The following MLLT6 variants were observed in gnomAD, a reference collection of about 807,000 sequenced individuals.
The protein encoded by MLLT6 is MLLT6, PHD finger containing.
MLLT6 carries 22 observed loss-of-function variants against 103.0 expected under a neutral mutation model. The ratio of observed to expected loss-of-function variants is 0.21; its 90% CI spans 0.15 to 0.31. The LOEUF is 0.31. Among genes scored for constraint, MLLT6 ranks in the 10% least tolerant of loss-of-function variants. The pLI, the probability that MLLT6 is intolerant of heterozygous loss-of-function variation, is 1.00. For synonymous variants in MLLT6, 606 were observed against 623.5 expected, an observed-to-expected ratio of 0.97 and a Z score of 0.42; for missense variants, 1,199 against 1,441.7, an observed-to-expected ratio of 0.83 and a Z score of 2.73.
At chr17:38,720,250 C>T in intron 14 of MLLT6, 122 bp from the exon 15 acceptor site, 1 of 986,810 alleles carries the variant, frequency 1.0e-6, no homozygotes. Context: ...CTGTGTCCCT[C>T]CTTAGGATGG....
intron 7 of MLLT6, 52 bp downstream of exon 7, chr17:38,712,066 CACAA>C: frequency 6.8e-7 from 1 of 1,477,956 alleles, no homozygotes; most frequent in Non-Finnish European, 9.0e-7. Context: ...CTTGGAGACT[CACAA>C]ACATGGCTCA....
At chr17:38,713,003 G>T in intron 8 of MLLT6, 1 of 776,876 alleles carries the variant, frequency 1.3e-6, no homozygotes, top group Non-Finnish European at 2.4e-6. Context: ...GGAGTTTGGG[G>T]TGCTGTCTGC....
In MLLT6 at chr17:38,729,326, G is replaced by A. The variant is rs779200350; in HGVS notation, c.*3728G>A. 91 of 233,220 alleles carry A rather than the reference G, an allele frequency of 3.9e-4. No individual in the cohort carries two copies. The highest frequency in any genetic ancestry group is 7.2e-4 in the South Asian group (4 of 5,542). The allele number at this position is 233,220 out of a possible 1,614,324, so 14.4% of individuals were successfully genotyped here. ...CAACTGGGAATTCCAAGGAAGGTGGGCAAGTAGCCTTGGCTCTCTCCCACC... is the reference window on the plus strand; with the variant it reads ...CAACTGGGAATTCCAAGGAAGGTGGACAAGTAGCCTTGGCTCTCTCCCACC... On this transcript the variant is annotated 3_prime_UTR_variant, in exon 20 of 20. Transcript: ENST00000621332.
intron 18 of MLLT6, among the ~76,000 whole-genome samples, chr17:38,723,389 G>A (rs983404786): frequency 2.6e-5 from 4 of 152,134 alleles, no homozygotes; most frequent in African/African-American, 9.7e-5. Flanking sequence ...CTACTTGGGA[G>A]CCTGAGGCAG....
chr17:38,714,854 C>T (rs80313334), intron 8 of MLLT6: 3,005 of 152,462 alleles, frequency 0.02, 48 homozygotes, highest in Non-Finnish European at 0.031. Flanking sequence ...ACCACCCTGC[C>T]GCTCTCTTTG....
Position 38,728,927 on chromosome 17 carries a change from G to T in MLLT6, c.*3329G>T, listed in dbSNP as rs868358859. The stretch of plus-strand genomic sequence containing the variant: ...TTGGTTTGTTTTTCCTATTTGTGGG[G>T]TATTTTCCCCCTCAGGCTCCTGGGT... On this transcript the variant is annotated 3_prime_UTR_variant, in exon 20 of 20. Coordinates refer to ENST00000621332, the MANE Select transcript of MLLT6 (RefSeq NM_005937.4). The T allele has an allele frequency of 8.6e-6, 2 of 233,902 alleles. No individual in the cohort carries two copies. Among genetic ancestry groups the T allele is most frequent in the Admixed American group, 5.6e-5 (1 of 17,806 alleles). The allele number at this position is 233,902 out of a possible 1,614,324, so 14.5% of individuals were successfully genotyped here. A position where few individuals can be genotyped will look rare whatever the true frequency, so the allele number is the denominator to read the frequency against.
chr17:38,726,964 C>T lies in MLLT6; in HGVS notation c.*1366C>T, dbSNP rs1598005537. Reference sequence around the variant, plus strand: ...GCCTTTGGCACAGAGGCTGAGTGGACAGTCAGGAGAGAGGCGAGAGGCAAG... The same window carrying T: ...GCCTTTGGCACAGAGGCTGAGTGGATAGTCAGGAGAGAGGCGAGAGGCAAG... On this transcript the variant is annotated 3_prime_UTR_variant, in exon 20 of 20. Coordinates refer to ENST00000621332, the MANE Select transcript of MLLT6 (RefSeq NM_005937.4). The T allele has an allele frequency of 2.6e-5, 6 of 233,756 alleles. No individual in the cohort carries two copies. The East Asian group carries it at 3.6e-4, about 14-fold the overall frequency. The allele number at this position is 233,756 out of a possible 1,614,324, so 14.5% of individuals were successfully genotyped here.
chr17:38,723,566 A>C (rs1429587721), intron 18 of MLLT6, among the ~76,000 whole-genome samples: 1 of 152,146 alleles, frequency 6.6e-6, no homozygotes, highest in South Asian at 2.1e-4. Context: ...CAGGAAACCA[A>C]TTCAGCTGGC....
Position 38,716,888 on chromosome 17 carries a change from G to A in MLLT6, c.1558G>A (p.Val520Ile), listed in dbSNP as rs1391852447. 6.2e-7 allele frequency: 1 copy of A among 1,613,712 alleles called. No homozygotes were observed. Among genetic ancestry groups the A allele is most frequent in the Non-Finnish European group, 8.5e-7 (1 of 1,179,844 alleles). The change falls in exon 10 of 20, where the codon GTC (valine) becomes ATC (isoleucine). Residue 520 changes from valine (V) to isoleucine (I), a missense_variant. Physicochemically the swap from Val to Ile is conservative, Grantham distance 29. This residue lies in a region of MLLT6 where 1,034 missense variants were observed against 1,091.5 expected (regional missense o/e 0.95). Transcript: ENST00000621332. The surrounding 1 kb of genome is among the most constrained non-coding windows in gnomAD (Gnocchi z 5.6). ...AASPFSGGSLVSSGLGGLSSR... is the reference protein window; with the variant it reads ...AASPFSGGSLISSGLGGLSSR... ...CTCACCCTTCTCTGGAGGTTCCCTG[G>A]TCAGCTCCGGCCTGGGAGGTCTGTC...
chr17:38,716,897 G>A lies in MLLT6; in HGVS notation c.1567G>A (p.Gly523Ser), dbSNP rs1905373696. 1.2e-6 allele frequency: 2 copies of A among 1,613,670 alleles called. No homozygotes were observed. Among genetic ancestry groups the A allele is most frequent in the Non-Finnish European group, 1.7e-6 (2 of 1,179,840 alleles). Reference protein sequence around the residue: ...PFSGGSLVSSGLGGLSSRTFG... With the variant: ...PFSGGSLVSSSLGGLSSRTFG... ...CTCTGGAGGTTCCCTGGTCAGCTCC[G>A]GCCTGGGAGGTCTGTCCTCCCGAAC... Residue 523 changes from glycine to serine, a missense_variant, in exon 10 of 20, where the codon GGC (glycine) becomes AGC (serine). Gly to Ser is a moderately conservative substitution (Grantham distance 56, BLOSUM62 0). Transcript: ENST00000621332. This position sits in a 1 kb window ranked among gnomAD's most constrained non-coding sequence, Gnocchi z 5.6.
chr17:38,722,008 T>TC lies in MLLT6; in HGVS notation c.2576dup (p.Pro860AlafsTer23). The stretch of plus-strand genomic sequence containing the variant: ...GCCCTGCCTGGGGCCCCTGCCCCAC[T>TC]CCCGCCCCAGCCGCAGAACGGGTTG... On this transcript the variant is annotated frameshift_variant, in exon 17 of 20. Coordinates refer to ENST00000621332, the MANE Select transcript of MLLT6 (RefSeq NM_005937.4). LOFTEE classifies it high-confidence loss of function. 1 of 1,481,938 alleles carries TC rather than the reference T, an allele frequency of 6.7e-7. No individual in the cohort carries two copies. Among genetic ancestry groups the TC allele is most frequent in the Non-Finnish European group, 8.9e-7 (1 of 1,117,736 alleles). The allele number at this position is 1,481,938 out of a possible 1,614,324, so 91.8% of individuals were successfully genotyped here.
chr17:38,712,291 C>T (rs1027380247), intron 7 of MLLT6, among the ~76,000 whole-genome samples: 2 of 152,196 alleles, frequency 1.3e-5, no homozygotes, highest in African/African-American at 2.4e-5. Context: ...ACGTTGCACA[C>T]GTCTCCGCAG....
At position 38,709,387 on chromosome 17, in the gene MLLT6, C is replaced by T. The variant is rs902134437; in HGVS notation, c.459-95C>T. 4.9e-6 allele frequency: 7 copies of T among 1,424,180 alleles called. No individual in the cohort carries two copies. The highest frequency in any genetic ancestry group is 1.4e-5 in the African/African-American group (1 of 71,164). The allele number at this position is 1,424,180 out of a possible 1,614,324, so 88.2% of individuals were successfully genotyped here. Reference sequence around the variant, plus strand: ...TGGTGGTGGCAATGCTTTGGATGGTCTTGGCTTCGCCTCAGCAGGGGGCCA... The same window carrying T: ...TGGTGGTGGCAATGCTTTGGATGGTTTTGGCTTCGCCTCAGCAGGGGGCCA... On this transcript the variant is annotated intron_variant, in intron 5 of 19. Coordinates refer to ENST00000621332, the MANE Select transcript of MLLT6 (RefSeq NM_005937.4). The surrounding 1 kb of genome is among the most constrained non-coding windows in gnomAD (Gnocchi z 4.3).
chr17:38,711,371 A>G (rs1007838595), intron 6 of MLLT6, among the ~76,000 whole-genome samples: 4 of 152,146 alleles, frequency 2.6e-5, no homozygotes, highest in African/African-American at 7.2e-5. Context: ...GGGAGGGGCC[A>G]GGATAAAGGA....
intron 8 of MLLT6, chr17:38,713,743 T>C (rs1309318529): frequency 2.0e-5 from 3 of 152,368 alleles, no homozygotes; most frequent in Non-Finnish European, 2.9e-5. Flanking sequence ...GGATGTCCCT[T>C]GGACATGCCA....
chr17:38,722,751 T>TC lies in MLLT6; in HGVS notation c.2870dup (p.Gln958AlafsTer126). 6.6e-7 allele frequency: 1 copy of TC among 1,525,944 alleles called. No homozygotes were observed. Among genetic ancestry groups the TC allele is most frequent in the Non-Finnish European group, 8.9e-7 (1 of 1,126,598 alleles). The allele number at this position is 1,525,944 out of a possible 1,614,324, so 94.5% of individuals were successfully genotyped here. A position where few individuals can be genotyped will look rare whatever the true frequency, so the allele number is the denominator to read the frequency against. On this transcript the variant is annotated frameshift_variant, in exon 18 of 20. Transcript: ENST00000621332. LOFTEE classifies it high-confidence loss of function. ...CCAGCAACTCCAGCAGCTCCTGGCC[T>TC]CCCCGCAGCTGACCCCGGTAATGCC... is the stretch of plus-strand genomic sequence containing the variant.
At chr17:38,717,712 G>A in intron 11 of MLLT6, 99 bp downstream of exon 11, 1 of 1,445,522 alleles carries the variant, frequency 6.9e-7, no homozygotes, top group South Asian at 1.2e-5. Flanking sequence ...ACTGGGCTGA[G>A]TTGCCATCAG....
chr17:38,720,311 G>A, intron 14 of MLLT6, 61 bp from the exon 15 acceptor site: 3 of 122,712 alleles, frequency 2.4e-5, no homozygotes, highest in South Asian at 2.1e-4. Context: ...CCCCGCCCCC[G>A]GTCCCCTGGC....
chr17:38,722,004 C>T lies in MLLT6; in HGVS notation c.2569C>T (p.Pro857Ser). 1.3e-6 allele frequency: 2 copies of T among 1,485,456 alleles called. No individual in the cohort carries two copies. The highest frequency in any genetic ancestry group is 1.8e-6 in the Non-Finnish European group (2 of 1,119,414). 92.0% of individuals were successfully genotyped at this position (1,485,456 alleles called of 1,614,324 possible). A position where few individuals can be genotyped will look rare whatever the true frequency, so the allele number is the denominator to read the frequency against. ...LPLALPGAPAPLPPQPQNGLG... is the reference protein window; with the variant it reads ...LPLALPGAPASLPPQPQNGLG... ...CCTGGCCCTGCCTGGGGCCCCTGCCCCACTCCCGCCCCAGCCGCAGAACGG... is the reference window on the plus strand; with the variant it reads ...CCTGGCCCTGCCTGGGGCCCCTGCCTCACTCCCGCCCCAGCCGCAGAACGG... Residue 857 changes from proline (P) to serine (S), a missense_variant, in exon 17 of 20, where the codon CCA (proline) becomes TCA (serine). Physicochemically the swap from Pro to Ser is moderately conservative, Grantham distance 74. Around this residue, in one of 7 missense-constraint regions of MLLT6, gnomAD observed 1,034 missense variants for 1,091.5 expected, o/e 0.95. Coordinates refer to ENST00000621332, the MANE Select transcript of MLLT6 (RefSeq NM_005937.4).
Sources: allele counts gnomAD v4.1 joint callset (sites outside exome capture counted in the v4.1 genomes callset), GRCh38; gene constraint gnomAD v4.1.1; regional missense constraint gnomAD v4.1.1; non-coding constraint Gnocchi (gnomAD v3.1); transcripts MANE v1.5; gene names NCBI Gene and HGNC (gene_info 2026-07-23, HGNC 2026-07-21).